The following PHKB variants were observed in gnomAD, a reference collection of about 807,000 sequenced individuals.
PHKB encodes the protein phosphorylase b kinase regulatory subunit beta.
PHKB carries 122 observed loss-of-function variants against 152.1 expected under a neutral mutation model. The observed-to-expected ratio is 0.80, with a 90% CI of 0.69 to 0.93. The LOEUF is 0.93. Among genes scored for constraint, PHKB ranks in the 40% least tolerant of loss-of-function variants. The probability of loss-of-function intolerance (pLI) is 0.00; values close to 1 mark genes in which losing one functional copy is unlikely to be tolerated. For missense variants in PHKB, 1,304 were observed against 1,328.4 expected, an observed-to-expected ratio of 0.98 and a Z score of 0.29; for synonymous variants, 436 against 464.9, an observed-to-expected ratio of 0.94 and a Z score of 0.80.
Position 47,499,885 on chromosome 16 carries a change from T to G in PHKB, c.296T>G (p.Leu99Arg), listed in dbSNP as rs1247254727. 1.2e-6 allele frequency: 2 copies of G among 1,614,042 alleles called. No individual in the cohort carries two copies. The highest frequency in any genetic ancestry group is 2.7e-5 in the African/African-American group (2 of 74,934). ...YCAAGAWALA[L>R]AYRRIDDDKG... ...GCTGCTGGGGCCTGGGCTTTGGCTCTTGCATACAGGTGAGCTGGTGTGTGT... is the reference window on the plus strand; with the variant it reads ...GCTGCTGGGGCCTGGGCTTTGGCTCGTGCATACAGGTGAGCTGGTGTGTGT... The change falls in exon 3 of 31, where the codon CTT becomes CGT. Residue 99 changes from leucine to arginine, a missense_variant. Leu to Arg is a moderately radical substitution (Grantham distance 102, BLOSUM62 -2). Coordinates refer to ENST00000323584, the MANE Select transcript of PHKB (RefSeq NM_000293.3).
intron 7 of PHKB, chr16:47,566,532 C>G (rs1323617677): frequency 1.9e-6 from 3 of 1,600,620 alleles, no homozygotes; most frequent in Non-Finnish European, 2.6e-6. Flanking sequence ...AAGCACTGCA[C>G]TGATATTTAG....
At position 47,470,404 on chromosome 16, in the gene PHKB, A is replaced by G. The variant is rs115624342; in HGVS notation, c.76+8978A>G. On this transcript the variant is annotated intron_variant, in intron 1 of 30. Transcript: ENST00000323584. ...GTTGTATGGCTTAAGAATGCCTTTA[A>G]GCGGTTTTAGGCCCTGGGCGGGCCA... is the stretch of plus-strand genomic sequence containing the variant. Among the ~76,000 whole-genome samples the G allele has an allele frequency of 3.1e-3, 471 of 152,320 alleles. 2 individuals carry two copies. The highest frequency in any genetic ancestry group is 0.011 in the African/African-American group (449 of 41,570).
intron 6 of PHKB, among the ~76,000 whole-genome samples, chr16:47,537,046 G>C (rs1199560584): frequency 6.6e-6 from 1 of 152,232 alleles, no homozygotes; most frequent in Non-Finnish European, 1.5e-5. Flanking sequence ...GACAGGGTGG[G>C]AAGATTATAT....
chr16:47,571,811 C>G (rs1321608712), intron 7 of PHKB, among the ~76,000 whole-genome samples: 1 of 152,166 alleles, frequency 6.6e-6, no homozygotes, highest in Non-Finnish European at 1.5e-5. Context: ...TGCACCTGTT[C>G]CTCTGCTGAA....
At chr16:47,534,833 A>G (rs1490936345) in intron 6 of PHKB, among the ~76,000 whole-genome samples, 2 of 152,246 alleles carry the variant, frequency 1.3e-5, no homozygotes, top group Admixed American at 1.3e-4. Flanking sequence ...CCAAAAATGC[A>G]TTACTTTTGT....
intron 13 of PHKB, among the ~76,000 whole-genome samples, chr16:47,601,980 T>C (rs1477485192): frequency 6.6e-6 from 1 of 152,182 alleles, no homozygotes; most frequent in Non-Finnish European, 1.5e-5. Context: ...TTAAGCAATT[T>C]TAGTTAACTA....
In PHKB at chr16:47,471,829, A is replaced by T. The variant is rs74409006; in HGVS notation, c.76+10403A>T. 1.6e-4 allele frequency among the ~76,000 whole-genome samples: 25 copies of T among 152,304 alleles called. 1 individual carries two copies. In the East Asian group the frequency reaches 4.8e-3, roughly 30 times the overall value. The stretch of plus-strand genomic sequence containing the variant: ...GCATATATACAAATATAAAATGTAT[A>T]TGTGTCACGAGGTCAGGAGATCGAG... On this transcript the variant is annotated intron_variant, in intron 1 of 30. Transcript: ENST00000323584.
rs193223136 is a variant in PHKB at position 47,486,913 on chromosome 16, C to T, written c.77-10486C>T. 1.4e-4 allele frequency among the ~76,000 whole-genome samples: 22 copies of T among 152,318 alleles called. No homozygotes were observed. In the East Asian group the frequency reaches 4.2e-3, roughly 29 times the overall value. ...ATTTATTCCTGATTCTGAAAAATTA[C>T]TGTTCTTTACATGTCCCATAACTGG... is the stretch of plus-strand genomic sequence containing the variant. On this transcript the variant is annotated intron_variant, in intron 1 of 30. Coordinates refer to ENST00000323584, the MANE Select transcript of PHKB (RefSeq NM_000293.3).
At chr16:47,518,944 A>G (rs1408232579) in intron 6 of PHKB, among the ~76,000 whole-genome samples, 1 of 152,220 alleles carries the variant, frequency 6.6e-6, no homozygotes, top group Middle Eastern at 3.2e-3. Context: ...TAAGAAAGAA[A>G]TCATTTAGAA....
chr16:47,693,556 A>G (rs1303783702), intron 28 of PHKB, 49 bp downstream of exon 28: 2 of 1,594,152 alleles, frequency 1.3e-6, no homozygotes, highest in East Asian at 4.5e-5. Context: ...CGCAAAGGGT[A>G]GTGAATCCTT....
rs181588280 is a variant in PHKB, at chr16:47,549,643, C to T, written c.710+2095C>T. Among the ~76,000 whole-genome samples the T allele has an allele frequency of 7.9e-5, 12 of 151,908 alleles. No individual in the cohort carries two copies. The East Asian group carries it at 2.1e-3, about 27-fold the overall frequency. On this transcript the variant is annotated intron_variant, in intron 7 of 30. Transcript: ENST00000323584. ...CTGGGAGGTGGAGGTTGCAGTGAGC[C>T]GAGATCGTGCCACTGCACTCCAGCC...
intron 1 of PHKB, among the ~76,000 whole-genome samples, chr16:47,490,272 T>C (rs150899384): frequency 1.3e-4 from 20 of 152,268 alleles, no homozygotes; most frequent in Admixed American, 4.6e-4. Context: ...TAAACCATCT[T>C]TTGAAAAGAA....
chr16:47,560,232 C>T (rs1028099537), intron 7 of PHKB, among the ~76,000 whole-genome samples: 3 of 152,164 alleles, frequency 2.0e-5, no homozygotes, highest in African/African-American at 7.2e-5. Context: ...GGCTTGTTCC[C>T]TCATCTTAAA....
chr16:47,570,671 T>C (rs1971642726), intron 7 of PHKB, among the ~76,000 whole-genome samples: 1 of 151,896 alleles, frequency 6.6e-6, no homozygotes, highest in East Asian at 1.9e-4. Flanking sequence ...GAAAATTTCA[T>C]TCATATCCTG....
intron 14 of PHKB, among the ~76,000 whole-genome samples, chr16:47,636,974 C>T (rs1972932883): frequency 6.6e-6 from 1 of 152,170 alleles, no homozygotes; most frequent in South Asian, 2.1e-4. Context: ...CATGCGCTTC[C>T]TCCCTTCTGA....
chr16:47,547,071 G>A (rs1214684431), intron 6 of PHKB, among the ~76,000 whole-genome samples: 2 of 152,164 alleles, frequency 1.3e-5, no homozygotes, highest in Non-Finnish European at 2.9e-5. Context: ...TGGGTGAAGC[G>A]ATGCCCCACC....
chr16:47,660,530 G>A lies in PHKB; in HGVS notation c.1996G>A (p.Glu666Lys). The change falls in exon 21 of 31, where the codon GAA becomes AAA. Residue 666 changes from glutamate (E) to lysine (K), a missense_variant. Coordinates refer to ENST00000323584, the MANE Select transcript of PHKB (RefSeq NM_000293.3). The stretch of plus-strand genomic sequence containing the variant: ...GACACTAATATCTGGAGCTGTGGTA[G>A]AACAACTTGATTTCCTACGAATCAG... ...LQTLISGAVVEQLDFLRISDT... is the reference protein window; with the variant it reads ...LQTLISGAVVKQLDFLRISDT... The A allele has an allele frequency of 1.9e-6, 3 of 1,613,758 alleles. No individual in the cohort carries two copies. Among genetic ancestry groups the A allele is most frequent in the Non-Finnish European group, 2.5e-6 (3 of 1,179,694 alleles).
chr16:47,543,326 C>A (rs776793508), intron 6 of PHKB, among the ~76,000 whole-genome samples: 8 of 152,122 alleles, frequency 5.3e-5, no homozygotes, highest in Non-Finnish European at 1.2e-4. Context: ...TGTATTGAAC[C>A]AGCCTTGCAT....
intron 14 of PHKB, among the ~76,000 whole-genome samples, chr16:47,629,615 G>A (rs1353097771): frequency 1.3e-5 from 2 of 150,366 alleles, no homozygotes; most frequent in East Asian, 3.9e-4. Context: ...AGTCAGTGTG[G>A]CGATTCCTCA....
Sources: gnomAD v4.1 joint callset for allele counts (sites outside exome capture counted in the v4.1 genomes callset) on GRCh38, gnomAD v4.1.1 for gene constraint, MANE v1.5 for transcripts, NCBI Gene and HGNC (gene_info 2026-07-23, HGNC 2026-07-21) for gene names.